The following CES4A variants were observed in gnomAD, a reference collection of about 807,000 sequenced individuals.
The protein encoded by CES4A is carboxylesterase 6.
A neutral mutation model predicts 65.4 loss-of-function variants in CES4A; 48 were observed. That is an observed-to-expected ratio of 0.73 (90% confidence interval 0.58 to 0.93). CES4A has a LOEUF of 0.93. Among genes scored for constraint, CES4A ranks in the 40% least tolerant of loss-of-function variants. The pLI is 0.00. For synonymous variants in CES4A, 247 were observed against 281.8 expected, an observed-to-expected ratio of 0.88 and a Z score of 1.24; for missense variants, 685 against 728.5, an observed-to-expected ratio of 0.94 and a Z score of 0.69.
At chr16:66,988,913 G>A in intron 1 of CES4A, 83 bp downstream of exon 1, 1 of 1,454,378 alleles carries the variant, frequency 6.9e-7, no homozygotes, top group Non-Finnish European at 9.2e-7. Flanking sequence ...AACCTCTCCT[G>A]GGGACAGCAG....
chr16:67,004,625 G>A (rs1256971462), intron 9 of CES4A, among the ~76,000 whole-genome samples, 168 bp from the exon 10 acceptor site: 2 of 152,186 alleles, frequency 1.3e-5, no homozygotes, highest in East Asian at 1.9e-4. Context: ...TGATGAGCAG[G>A]ATGGGAGCAG....
chr16:66,996,865 G>A (rs776321666), intron 2 of CES4A, among the ~76,000 whole-genome samples: 1 of 152,090 alleles, frequency 6.6e-6, no homozygotes, highest in Non-Finnish European at 1.5e-5. Context: ...ACCAGCCTGG[G>A]CAGCATGGCA....
At position 67,003,087 on chromosome 16, in the gene CES4A, C is replaced by T. The variant is rs574058890; in HGVS notation, c.708C>T (p.Ala236=). ...TCTTGCAGATGATGTCACCCCTAGC[C>T]TCGGGTCTCTTCCATCGGGCCATTT... Residue 236 remains alanine, a synonymous_variant, in exon 6 of 14, where the codon GCC becomes GCT. Coordinates refer to ENST00000648724, the Ensembl canonical transcript of CES4A. The surrounding 1 kb of genome is among the most constrained non-coding windows in gnomAD (Gnocchi z 4.2). The T allele has an allele frequency of 3.7e-6, 6 of 1,613,970 alleles. No homozygotes were observed. In the African/African-American group the frequency reaches 6.7e-5, roughly 18 times the overall value.
intron 1 of CES4A, among the ~76,000 whole-genome samples, chr16:66,994,983 G>A (rs546924566): frequency 3.3e-5 from 5 of 151,826 alleles, no homozygotes; most frequent in East Asian, 1.9e-4. Flanking sequence ...CAGCCTGGGC[G>A]ATAGAGAAAG....
chr16:67,003,212 G>T lies in CES4A; in HGVS notation c.795+38G>T. On this transcript the variant is annotated intron_variant, in intron 6 of 13. Coordinates refer to ENST00000648724, the Ensembl canonical transcript of CES4A. This position sits in a 1 kb window ranked among gnomAD's most constrained non-coding sequence, Gnocchi z 4.2. ...CCTTCCCCAGGGCTCAGCATGGAAG[G>T]GCAGGATGGAAGCACCACTGAGCAT... 6.2e-7 allele frequency: 1 copy of T among 1,612,314 alleles called. No individual in the cohort carries two copies. The highest frequency in any genetic ancestry group is 8.5e-7 in the Non-Finnish European group (1 of 1,178,356).
Position 67,006,311 on chromosome 16 carries a change from G to A in CES4A, c.1316-80G>A, listed in dbSNP as rs375456642. 6 of 1,475,952 alleles carry A rather than the reference G, an allele frequency of 4.1e-6. No homozygotes were observed. In the African/African-American group the frequency reaches 8.4e-5, roughly 21 times the overall value. 91.4% of individuals were successfully genotyped at this position (1,475,952 alleles called of 1,614,324 possible). ...AAAGCTCTTTTTCCTGCTTGGTGCA[G>A]GTGAGTGGGAGGCATGGGGTGGATG... On this transcript the variant is annotated intron_variant, in intron 11 of 13. Coordinates refer to ENST00000648724, the Ensembl canonical transcript of CES4A.
At chr16:66,989,347 T>C (rs1331464621) in intron 1 of CES4A, among the ~76,000 whole-genome samples, 3 of 151,250 alleles carry the variant, frequency 2.0e-5, no homozygotes, top group Admixed American at 6.6e-5. Flanking sequence ...ATATCTATTA[T>C]ACTAATTATT....
intron 2 of CES4A, chr16:66,996,211 A>G: frequency 1.1e-5 from 4 of 362,816 alleles, no homozygotes; most frequent in South Asian, 8.4e-5. Context: ...TAATTTTTGT[A>G]TTTTTAGTAG....
intron 1 of CES4A, among the ~76,000 whole-genome samples, chr16:66,992,829 C>T (rs1446148431): frequency 1.3e-5 from 2 of 152,026 alleles, no homozygotes; most frequent in African/African-American, 2.4e-5. Flanking sequence ...AGGCTTGTGC[C>T]GCTGGCCTGG....
intron 5 of CES4A, among the ~76,000 whole-genome samples, chr16:67,002,488 A>T (rs1965436766): frequency 6.6e-6 from 1 of 152,114 alleles, no homozygotes; most frequent in Non-Finnish European, 1.5e-5. Flanking sequence ...AGAGCAGAGG[A>T]TGGCTCAGAG....
At chr16:66,997,191 GA>G (rs1268992505) in intron 2 of CES4A, among the ~76,000 whole-genome samples, 1 of 152,082 alleles carries the variant, frequency 6.6e-6, no homozygotes, top group Non-Finnish European at 1.5e-5. Context: ...AACATTCTGT[GA>G]CTTATTTAGA....
chr16:67,003,991 A>T lies in CES4A; in HGVS notation c.940-93A>T. The T allele has an allele frequency of 7.6e-7, 1 of 1,316,790 alleles. No individual in the cohort carries two copies. The highest frequency in any genetic ancestry group is 1.1e-6 in the Non-Finnish European group (1 of 927,830). The allele number at this position is 1,316,790 out of a possible 1,614,324, so 81.6% of individuals were successfully genotyped here. ...CAGCCTTTTCCCAATCAAAGAACCT[A>T]GGCTAGAGCAGCCTCTGAAGGGGCA... On this transcript the variant is annotated intron_variant, in intron 8 of 13. Transcript: ENST00000648724. This position sits in a 1 kb window ranked among gnomAD's most constrained non-coding sequence, Gnocchi z 4.2.
Position 67,001,014 on chromosome 16 carries a change from G to A in CES4A, c.536+24G>A, listed in dbSNP as rs780832864. 5 of 1,557,100 alleles carry A rather than the reference G, an allele frequency of 3.2e-6. No individual in the cohort carries two copies. Among genetic ancestry groups the A allele is most frequent in the Non-Finnish European group, 4.4e-6 (5 of 1,144,046 alleles). On this transcript the variant is annotated intron_variant, in intron 4 of 13. Coordinates refer to ENST00000648724, the Ensembl canonical transcript of CES4A. The surrounding 1 kb of genome is among the most constrained non-coding windows in gnomAD (Gnocchi z 4.1). ...AGGTGGCGGGGCCGGTACCCTTTGGGACCGCAGCTGTGGCCAGAGCGGCGG... is the reference window on the plus strand; with the variant it reads ...AGGTGGCGGGGCCGGTACCCTTTGGAACCGCAGCTGTGGCCAGAGCGGCGG...
At chr16:67,009,789 T>A (rs1190948088), downstream of CES4A, 1 of 152,342 alleles carries the variant, frequency 6.6e-6, no homozygotes, top group East Asian at 1.9e-4. Context: ...TGTCTCAATT[T>A]GAGCCCTGAG....
rs758054493 is a variant in CES4A, at chr16:67,003,125, C to T, written c.746C>T (p.Thr249Ile). The T allele has an allele frequency of 2.5e-5, 41 of 1,614,178 alleles. No homozygotes were observed. Among genetic ancestry groups the T allele is most frequent in the Non-Finnish European group, 3.3e-5 (39 of 1,180,004 alleles). Residue 249 changes from threonine (T) to isoleucine (I), a missense_variant, in exon 6 of 14, where the codon ACC (threonine) becomes ATC (isoleucine). Transcript: ENST00000648724. The surrounding 1 kb of genome is among the most constrained non-coding windows in gnomAD (Gnocchi z 4.2). ...CATCGGGCCATTTCCCAGAGTGGCACCGCGTTATTCAGACTTTTCATCACT... is the reference window on the plus strand; with the variant it reads ...CATCGGGCCATTTCCCAGAGTGGCATCGCGTTATTCAGACTTTTCATCACT...
intron 5 of CES4A, among the ~76,000 whole-genome samples, chr16:67,002,852 CCCCTCTGGAA>C (rs1965463042): frequency 6.6e-6 from 1 of 152,160 alleles, no homozygotes; most frequent in South Asian, 2.1e-4. Context: ...AATCTCACAT[CCCCTCTGGAA>C]CCCACTGGGG....
At position 67,001,678 on chromosome 16, in the gene CES4A, G is replaced by A. The variant is rs192943551; in HGVS notation, c.690+217G>A. 3.3e-5 allele frequency among the ~76,000 whole-genome samples: 5 copies of A among 152,368 alleles called. No homozygotes were observed. In the East Asian group the frequency reaches 9.6e-4, roughly 29 times the overall value. ...ATGAGAAAACTGAGCCCCAGGAAGG[G>A]TAGTGCTGAGGCTTGGGGTAATCAG... On this transcript the variant is annotated intron_variant, in intron 5 of 13. Coordinates refer to ENST00000648724, the Ensembl canonical transcript of CES4A. This position sits in a 1 kb window ranked among gnomAD's most constrained non-coding sequence, Gnocchi z 4.1.
chr16:67,001,617 A>G lies in CES4A; in HGVS notation c.690+156A>G, dbSNP rs1201390478. Among the ~76,000 whole-genome samples the G allele has an allele frequency of 6.6e-6, 1 of 152,232 alleles. No individual in the cohort carries two copies. The highest frequency in any genetic ancestry group is 2.4e-5 in the African/African-American group (1 of 41,470). ...CCCTGCCAAGGGTACAGCCCCTCAT[A>G]GCCAAGGATGTCTCCTCTGTTGAGG... On this transcript the variant is annotated intron_variant, in intron 5 of 13. Transcript: ENST00000648724. This position sits in a 1 kb window ranked among gnomAD's most constrained non-coding sequence, Gnocchi z 4.1.
chr16:67,001,057 A>T lies in CES4A; in HGVS notation c.536+67A>T. On this transcript the variant is annotated intron_variant, in intron 4 of 13. Transcript: ENST00000648724. The surrounding 1 kb of genome is among the most constrained non-coding windows in gnomAD (Gnocchi z 4.1). The stretch of plus-strand genomic sequence containing the variant: ...AGCGGCGGGGACTGGGTGGGAAGGG[A>T]GGGGCGGGGCCTGGGGCGGGGATGG... 1.1e-5 allele frequency: 2 copies of T among 177,412 alleles called. No individual in the cohort carries two copies. The highest frequency in any genetic ancestry group is 2.1e-5 in the Non-Finnish European group (2 of 96,186). The allele number at this position is 177,412 out of a possible 1,614,324, so 11.0% of individuals were successfully genotyped here.
Sources: allele counts gnomAD v4.1 joint callset (sites outside exome capture counted in the v4.1 genomes callset), GRCh38; gene constraint gnomAD v4.1.1; non-coding constraint Gnocchi (gnomAD v3.1); transcripts MANE v1.5; gene names NCBI Gene and HGNC (gene_info 2026-07-23, HGNC 2026-07-21).